SYT17: variants seen among roughly 807,000 people sequenced by gnomAD.
SYT17 encodes the protein synaptotagmin-17.
SYT17 carries 22 observed loss-of-function variants against 46.7 expected under a neutral mutation model. The ratio of observed to expected loss-of-function variants is 0.47; its 90% CI spans 0.34 to 0.67. The LOEUF is 0.67. Among genes scored for constraint, SYT17 ranks in the 30% least tolerant of loss-of-function variants. The pLI is 0.01. For missense variants in SYT17, 519 were observed against 612.8 expected, an observed-to-expected ratio of 0.85 and a Z score of 1.62; for synonymous variants, 251 against 248.4, an observed-to-expected ratio of 1.01 and a Z score of -0.10.
intron 7 of SYT17, among the ~76,000 whole-genome samples, chr16:19,228,291 A>T (rs1966566676): frequency 6.6e-6 from 1 of 152,104 alleles, no homozygotes; most frequent in African/African-American, 2.4e-5. Flanking sequence ...TGGTCAGCTG[A>T]TGCTGTCAGG....
chr16:19,189,804 T>A (rs1463537598), intron 5 of SYT17, among the ~76,000 whole-genome samples: 1 of 152,214 alleles, frequency 6.6e-6, no homozygotes, highest in Non-Finnish European at 1.5e-5. Flanking sequence ...TGTGTGGAGT[T>A]GAGCTAATGC....
At chr16:19,202,006 C>T (rs1357508674) in intron 5 of SYT17, among the ~76,000 whole-genome samples, 1 of 152,150 alleles carries the variant, frequency 6.6e-6, no homozygotes, top group African/African-American at 2.4e-5. Context: ...ACCTTGTAAA[C>T]TGTTTTTACT....
At chr16:19,187,452 T>C (rs1964831027) in intron 5 of SYT17, among the ~76,000 whole-genome samples, 1 of 152,200 alleles carries the variant, frequency 6.6e-6, no homozygotes, top group Non-Finnish European at 1.5e-5. Context: ...CTTGCACCGT[T>C]GGAGTGGATC....
chr16:19,195,107 A>G (rs1206527850), intron 5 of SYT17, among the ~76,000 whole-genome samples: 1 of 152,152 alleles, frequency 6.6e-6, no homozygotes, highest in African/African-American at 2.4e-5. Context: ...CTGCATGGGG[A>G]TCTGGGGGAG....
intron 7 of SYT17, among the ~76,000 whole-genome samples, chr16:19,252,805 G>A (rs1968284757): frequency 6.6e-6 from 1 of 151,762 alleles, no homozygotes; most frequent in Non-Finnish European, 1.5e-5. Context: ...GCCACCTCCA[G>A]AGACTGTGTC....
chr16:19,220,524 C>T (rs149224732), intron 5 of SYT17, among the ~76,000 whole-genome samples: 416 of 152,074 alleles, frequency 2.7e-3, no homozygotes, highest in African/African-American at 6.1e-3. Flanking sequence ...GTCTTGAACT[C>T]GTGACCTTAG....
At chr16:19,253,332 G>A (rs946719285) in intron 7 of SYT17, among the ~76,000 whole-genome samples, 1 of 152,048 alleles carries the variant, frequency 6.6e-6, no homozygotes, top group African/African-American at 2.4e-5. Context: ...GAGGTGGGAG[G>A]ACAGCATGAG....
intron 7 of SYT17, among the ~76,000 whole-genome samples, chr16:19,250,359 TTGTGTGTGTGTGTGTG>T (rs55818940): frequency 3.1e-4 from 41 of 132,566 alleles, no homozygotes; most frequent in African/African-American, 5.7e-4. Context: ...TCAAACATGT[TTGTGTGTGTGTGTGTG>T]TGTGTGTGTG....
At position 19,248,023 on chromosome 16, in the gene SYT17, A is replaced by G. The variant is rs78322631; in HGVS notation, c.1229-18857A>G. 3.4e-3 allele frequency among the ~76,000 whole-genome samples: 514 copies of G among 152,348 alleles called. 3 individuals carry two copies. The highest frequency in any genetic ancestry group is 0.012 in the African/African-American group (492 of 41,588). ...AATATATAAAGAGCTCTTGTAACTC[A>G]ATAAGACAGTCCACACCCCAAGAAA... On this transcript the variant is annotated intron_variant, in intron 7 of 7. Coordinates refer to ENST00000355377, the MANE Select transcript of SYT17 (RefSeq NM_016524.4).
intron 7 of SYT17, among the ~76,000 whole-genome samples, chr16:19,228,276 G>C (rs960038542): frequency 2.6e-5 from 4 of 152,090 alleles, no homozygotes; most frequent in African/African-American, 9.7e-5. Flanking sequence ...TGTCAGCTGG[G>C]GCAGTGGTCA....
intron 5 of SYT17, among the ~76,000 whole-genome samples, chr16:19,192,890 C>T (rs1965082734): frequency 6.6e-6 from 1 of 152,162 alleles, no homozygotes; most frequent in Non-Finnish European, 1.5e-5. Context: ...AGCCTCCAGA[C>T]CTCAGCCTCC....
intron 7 of SYT17, among the ~76,000 whole-genome samples, chr16:19,255,188 A>G (rs1056681431): frequency 6.6e-6 from 1 of 152,134 alleles, no homozygotes; most frequent in Non-Finnish European, 1.5e-5. Flanking sequence ...TGAATCTGCC[A>G]TAGTCTTTTG....
chr16:19,252,490 TA>T (rs1968225604), intron 7 of SYT17, among the ~76,000 whole-genome samples: 1 of 18,704 alleles, frequency 5.3e-5, no homozygotes, highest in African/African-American at 4.8e-4. Flanking sequence ...TACATATATA[TA>T]TACATATATA....
chr16:19,172,447 T>G, intron 1 of SYT17: 1 of 1,443,660 alleles, frequency 6.9e-7, no homozygotes, highest in Non-Finnish European at 9.0e-7. Context: ...TTGGATAGCA[T>G]GACTATCTAT....
chr16:19,201,901 CTG>C (rs1276956297), intron 5 of SYT17, among the ~76,000 whole-genome samples: 20 of 152,100 alleles, frequency 1.3e-4, no homozygotes, highest in Non-Finnish European at 2.6e-4. Flanking sequence ...CTTGACTTCT[CTG>C]AGCCTCAATT....
intron 2 of SYT17, 85 bp from the exon 3 acceptor site, chr16:19,173,345 G>T: frequency 1.2e-6 from 1 of 846,300 alleles, no homozygotes; most frequent in Non-Finnish European, 1.8e-6. Context: ...TGTAATTTTG[G>T]GTGTTGTTTC....
chr16:19,222,794 A>T (rs537433027), intron 5 of SYT17, among the ~76,000 whole-genome samples: 4 of 152,308 alleles, frequency 2.6e-5, no homozygotes, highest in Admixed American at 2.0e-4. Context: ...AGCATTTTTT[A>T]AAAAATTATT....
chr16:19,243,561 A>G (rs966256529), intron 7 of SYT17, among the ~76,000 whole-genome samples: 2 of 152,122 alleles, frequency 1.3e-5, no homozygotes, highest in Admixed American at 6.6e-5. Flanking sequence ...TATAAATCCC[A>G]GCACTTTGGG....
Position 19,183,616 on chromosome 16 carries a change from AC to A in SYT17, c.422del (p.Pro141LeufsTer34). On this transcript the variant is annotated frameshift_variant, in exon 5 of 8. Coordinates refer to ENST00000355377, the MANE Select transcript of SYT17 (RefSeq NM_016524.4). LOFTEE classifies it high-confidence loss of function. This position sits in a 1 kb window ranked among gnomAD's most constrained non-coding sequence, Gnocchi z 5.6. ...TCAGCGCCAAGAAGGAGCCCATCCA[AC>A]CTTCGGTGCTCAGACGGACCTATAA... ...VLSAKKEPIQ[P>X]SVLRRTYNPD... The A allele has an allele frequency of 6.2e-7, 1 of 1,614,176 alleles. No homozygotes were observed.
Sources: allele counts gnomAD v4.1 joint callset (sites outside exome capture counted in the v4.1 genomes callset), GRCh38; gene constraint gnomAD v4.1.1; non-coding constraint Gnocchi (gnomAD v3.1); transcripts MANE v1.5; gene names NCBI Gene and HGNC (gene_info 2026-07-23, HGNC 2026-07-21).